Variants in PPM1H observed in about 807,000 individuals in gnomAD.
PPM1H encodes protein phosphatase, Mg2+/Mn2+ dependent 1H, also known as protein phosphatase 1H.
In PPM1H, 27 loss-of-function variants were observed where a neutral mutation model predicts 54.9. The observed-to-expected ratio is 0.49, with a 90% confidence interval of 0.36 to 0.68. The LOEUF is 0.68. Ranked by LOEUF, PPM1H falls within the 30% of genes least tolerant of loss-of-function variation. The pLI is 0.00. For synonymous variants in PPM1H, 305 were observed against 270.8 expected (o/e 1.13, Z -1.24); for missense variants, 596 against 667.8 (o/e 0.89, Z 1.19).
chr12:62,846,515 T>TAA (rs1276320532), intron 1 of PPM1H, among the ~76,000 whole-genome samples: 4 of 148,438 alleles, frequency 2.7e-5, no homozygotes, highest in African/African-American at 7.8e-5. Flanking sequence ...AAAAAAAATT[T>TAA]TTTTTTTTTT....
At chr12:62,830,481 T>G (rs1415636888) in intron 2 of PPM1H, among the ~76,000 whole-genome samples, 1 of 152,202 alleles carries the variant, frequency 6.6e-6, no homozygotes, top group Non-Finnish European at 1.5e-5. Flanking sequence ...GGTCTCGATC[T>G]CCTGACCTCG....
intron 4 of PPM1H, among the ~76,000 whole-genome samples, chr12:62,751,075 T>C (rs1472404654): frequency 6.6e-6 from 1 of 152,232 alleles, no homozygotes; most frequent in African/African-American, 2.4e-5. Flanking sequence ...CATTTATTTT[T>C]CTCTCTACTG....
In PPM1H at chr12:62,737,409, C is replaced by T. The variant is rs2076356693; in HGVS notation, c.954+93G>A. ...CATATGTCATTTGAATGCGGTGAGCCTGCTCCCATGTCAGTAGCAACGTGT... is the reference window on the plus strand; with the variant it reads ...CATATGTCATTTGAATGCGGTGAGCTTGCTCCCATGTCAGTAGCAACGTGT... On this transcript the variant is annotated intron_variant, in intron 5 of 9. Transcript: ENST00000228705. 6.4e-5 allele frequency: 50 copies of T among 785,856 alleles called. 2 individuals carry two copies. The South Asian group carries it at 9.2e-4, about 14-fold the overall frequency. The allele number at this position is 785,856 out of a possible 1,614,324, so 48.7% of individuals were successfully genotyped here.
intron 9 of PPM1H, among the ~76,000 whole-genome samples, chr12:62,654,856 G>T (rs149767365): frequency 6.6e-5 from 10 of 152,162 alleles, no homozygotes; most frequent in African/African-American, 1.9e-4. Flanking sequence ...CTTCAGAAGC[G>T]TAAGGACAGC....
chr12:62,721,624 A>T (rs1296760774), intron 5 of PPM1H, among the ~76,000 whole-genome samples: 2 of 152,162 alleles, frequency 1.3e-5, no homozygotes, highest in Non-Finnish European at 2.9e-5. Context: ...GGAAGGAATG[A>T]AGGGAACTAA....
At chr12:62,779,326 C>T (rs1371296123) in intron 4 of PPM1H, among the ~76,000 whole-genome samples, 1 of 152,138 alleles carries the variant, frequency 6.6e-6, no homozygotes, top group African/African-American at 2.4e-5. Context: ...GGATTACAGG[C>T]GTGAGCCACT....
At chr12:62,738,092 A>G (rs1455513663) in intron 4 of PPM1H, among the ~76,000 whole-genome samples, 2 of 152,216 alleles carry the variant, frequency 1.3e-5, no homozygotes, top group African/African-American at 4.8e-5. Context: ...TAATGAACTT[A>G]GCTTTAAATT....
chr12:62,909,877 T>C (rs1177032279), intron 1 of PPM1H, among the ~76,000 whole-genome samples: 2 of 152,222 alleles, frequency 1.3e-5, no homozygotes, highest in Non-Finnish European at 2.9e-5. Flanking sequence ...TTAAAGCAAG[T>C]CAGTAGTGTG....
intron 1 of PPM1H, among the ~76,000 whole-genome samples, chr12:62,865,091 T>C (rs914155125): frequency 6.6e-6 from 1 of 152,108 alleles, no homozygotes; most frequent in Non-Finnish European, 1.5e-5. Context: ...CTGTGGATAA[T>C]TATTTTTCCT....
In PPM1H at chr12:62,648,528, T is replaced by C. The variant is rs1432525432; in HGVS notation, c.1506A>G (p.Val502=). ...TTCCATGTATTAAAGGAATGACATA[T>C]ACAGAAATGTCGTCTCCTGAGCCCA... is the stretch of plus-strand genomic sequence containing the variant. ...DRLGSGDDIS[V]YVIPLIHGNK... The change falls in exon 10 of 10, where the codon GTA becomes GTG. Residue 502 remains valine (V), a synonymous_variant. Coordinates refer to ENST00000228705, the MANE Select transcript of PPM1H (RefSeq NM_020700.2). 1.2e-6 allele frequency: 2 copies of C among 1,614,002 alleles called. No homozygotes were observed. The highest frequency in any genetic ancestry group is 1.7e-6 in the Non-Finnish European group (2 of 1,179,896).
chr12:62,811,830 T>C (rs948265562), intron 2 of PPM1H, among the ~76,000 whole-genome samples: 9 of 152,324 alleles, frequency 5.9e-5, no homozygotes, highest in African/African-American at 1.9e-4. Flanking sequence ...TGTGAGTCAA[T>C]TAAACCTCTT....
At chr12:62,890,545 A>G (rs1476404241) in intron 1 of PPM1H, among the ~76,000 whole-genome samples, 1 of 152,158 alleles carries the variant, frequency 6.6e-6, no homozygotes, top group East Asian at 1.9e-4. Flanking sequence ...AACATTTACC[A>G]TCTGTAGACA....
intron 4 of PPM1H, among the ~76,000 whole-genome samples, chr12:62,772,298 T>C (rs1451117124): frequency 6.6e-6 from 1 of 152,192 alleles, no homozygotes; most frequent in Non-Finnish European, 1.5e-5. Flanking sequence ...AAAGTCATTC[T>C]GCTAAGTTGT....
intron 1 of PPM1H, among the ~76,000 whole-genome samples, chr12:62,854,837 A>T (rs950690176): frequency 2.0e-5 from 3 of 152,190 alleles, no homozygotes; most frequent in African/African-American, 7.2e-5. Flanking sequence ...AAAAAAACAT[A>T]AAAATAAAAA....
intron 2 of PPM1H, among the ~76,000 whole-genome samples, chr12:62,806,732 C>T (rs2663960): frequency 1.1e-3 from 166 of 152,310 alleles, no homozygotes; most frequent in African/African-American, 3.6e-3. Context: ...CCTAAGGCCT[C>T]CCCAGCCATG....
chr12:62,795,566 G>C (rs968352909), intron 3 of PPM1H, among the ~76,000 whole-genome samples: 1 of 151,606 alleles, frequency 6.6e-6, no homozygotes, highest in African/African-American at 2.4e-5. Context: ...CCTGCCTCAG[G>C]CTCCCGAGTA....
At chr12:62,659,269 CAAAAAAAAA>C (rs11349692) in intron 9 of PPM1H, 8 of 91,648 alleles carry the variant, frequency 8.7e-5, no homozygotes, top group South Asian at 2.5e-4. Flanking sequence ...GTAAAAACTG[CAAAAAAAAA>C]AAAAAAAAAA....
At chr12:62,930,605 G>C (rs1205623128) in intron 1 of PPM1H, among the ~76,000 whole-genome samples, 1 of 151,798 alleles carries the variant, frequency 6.6e-6, no homozygotes, top group Admixed American at 6.6e-5. Context: ...GGTAAAAAAA[G>C]AAAAAAAGCC....
At chr12:62,763,585 T>C (rs1393905183) in intron 4 of PPM1H, among the ~76,000 whole-genome samples, 1 of 152,230 alleles carries the variant, frequency 6.6e-6, no homozygotes, top group Non-Finnish European at 1.5e-5. Flanking sequence ...TCTTCCTTAC[T>C]TGATGGGTAA....
Sources: allele counts gnomAD v4.1 joint callset (sites outside exome capture counted in the v4.1 genomes callset), GRCh38; gene constraint gnomAD v4.1.1; transcripts MANE v1.5; gene names NCBI Gene and HGNC (gene_info 2026-07-23, HGNC 2026-07-21).